The following IL17RB variants were observed in gnomAD, a reference collection of about 807,000 sequenced individuals.
IL17RB encodes the protein interleukin-17 receptor B.
In IL17RB, 36 loss-of-function variants were observed where a neutral mutation model predicts 43.9. That is an observed-to-expected ratio of 0.82 (90% CI 0.63 to 1.08). The LOEUF is 1.08. Among genes scored for constraint, IL17RB ranks in the 50% least tolerant of loss-of-function variants. The probability of loss-of-function intolerance (pLI) is 0.00; values close to 1 mark genes in which losing one functional copy is unlikely to be tolerated. For synonymous variants in IL17RB, 225 were observed against 225.4 expected (o/e 1.00, Z 0.02); for missense variants, 613 against 613.6 (o/e 1.00, Z 0.01).
Position 53,864,787 on chromosome 3 carries a change from C to G in IL17RB, c.988C>G (p.Pro330Ala), listed in dbSNP as rs763951825. The G allele has an allele frequency of 6.8e-6, 11 of 1,613,230 alleles. No homozygotes were observed. Among genetic ancestry groups the G allele is most frequent in the Non-Finnish European group, 9.3e-6 (11 of 1,179,652 alleles). The change falls in exon 11 of 11, where the codon CCC becomes GCC. Residue 330 changes from proline to alanine, a missense_variant. Coordinates refer to ENST00000288167, the MANE Select transcript of IL17RB (RefSeq NM_018725.4). ...KTSFSTTTLLPPIKVLVVYPS... is the reference protein window; with the variant it reads ...KTSFSTTTLLAPIKVLVVYPS... ...TTCCTTTTCTACCACCACACTACTG[C>G]CCCCCATTAAGGTTCTTGTGGTTTA...
chr3:53,857,527 T>A, intron 7 of IL17RB, 89 bp from the exon 8 acceptor site: 1 of 1,143,288 alleles, frequency 8.7e-7, no homozygotes, highest in Non-Finnish European at 1.3e-6. Context: ...TCAAGCCATC[T>A]GCCTGCCTTG....
chr3:53,855,467 A>T, intron 6 of IL17RB, 126 bp downstream of exon 6: 1 of 627,004 alleles, frequency 1.6e-6, no homozygotes, highest in Non-Finnish European at 2.8e-6. Context: ...AGCACCCCCG[A>T]TGGTGGTGGC....
chr3:53,850,921 C>T (rs1466403662), intron 3 of IL17RB, among the ~76,000 whole-genome samples: 2 of 152,202 alleles, frequency 1.3e-5, no homozygotes, highest in Non-Finnish European at 2.9e-5. Context: ...ATACTGGTTG[C>T]ATGAGTGTCC....
chr3:53,864,725 A>G, intron 10 of IL17RB, 21 bp from the exon 11 acceptor site: 1 of 1,555,806 alleles, frequency 6.4e-7, no homozygotes, highest in Non-Finnish European at 8.7e-7. Context: ...ACAGATAACA[A>G]ATGCTTTTCT....
intron 8 of IL17RB, 51 bp downstream of exon 8, chr3:53,857,741 C>G (rs1325239533): frequency 6.8e-7 from 1 of 1,464,842 alleles, no homozygotes; most frequent in Admixed American, 1.7e-5. Flanking sequence ...GAAGACTGTT[C>G]CATCATTCAT....
chr3:53,865,393 T>C lies in IL17RB; in HGVS notation c.*85T>C, dbSNP rs1339822704. ...AACGTGTGATGATCCTGAAGCTTAC[T>C]ATGCAGCCTACAAACAGCCTTAGTA... is the stretch of plus-strand genomic sequence containing the variant. On this transcript the variant is annotated 3_prime_UTR_variant, in exon 11 of 11. Coordinates refer to ENST00000288167, the MANE Select transcript of IL17RB (RefSeq NM_018725.4). 1 of 1,054,544 alleles carries C rather than the reference T, an allele frequency of 9.5e-7. No homozygotes were observed. The highest frequency in any genetic ancestry group is 2.5e-5 in the East Asian group (1 of 39,844). The allele number at this position is 1,054,544 out of a possible 1,614,324, so 65.3% of individuals were successfully genotyped here.
chr3:53,851,258 G>A (rs1027921907), intron 3 of IL17RB, among the ~76,000 whole-genome samples: 7 of 152,142 alleles, frequency 4.6e-5, no homozygotes, highest in African/African-American at 1.2e-4. Context: ...ACAGAGAGAG[G>A]AGTCACCTAC....
rs558003684 is a variant in IL17RB, at chr3:53,853,060, C to G, written c.481+63C>G. On this transcript the variant is annotated intron_variant, in intron 5 of 10. Transcript: ENST00000288167. ...TGGGATGCCTGCTTTGCGATATGCA[C>G]AGAGAGAGCCCAGGGAACCCTGGAT... The G allele has an allele frequency of 6.3e-6, 10 of 1,596,928 alleles. No homozygotes were observed. In the African/African-American group the frequency reaches 1.1e-4, roughly 17 times the overall value.
Position 53,849,797 on chromosome 3 carries a change from T to A in IL17RB, c.226+2T>A. On this transcript the variant is annotated splice_donor_variant, in intron 3 of 10. Coordinates refer to ENST00000288167, the MANE Select transcript of IL17RB (RefSeq NM_018725.4). LOFTEE classifies it high-confidence loss of function. Reference sequence around the variant, plus strand: ...TAAGCTGGGTACTCCGGGCAGATGGTAAGTTTGCATCCATCAGAGATAAGG... The same window carrying A: ...TAAGCTGGGTACTCCGGGCAGATGGAAAGTTTGCATCCATCAGAGATAAGG... The A allele has an allele frequency of 6.3e-7, 1 of 1,596,870 alleles. No individual in the cohort carries two copies. The highest frequency in any genetic ancestry group is 8.6e-7 in the Non-Finnish European group (1 of 1,168,308).
Position 53,860,161 on chromosome 3 carries a change from C to T in IL17RB, c.879C>T (p.Leu293=), listed in dbSNP as rs1234817597. Residue 293 remains leucine (L), a synonymous_variant, in exon 10 of 11, where the codon CTC becomes CTT. Transcript: ENST00000288167. ...NKSKPGGWLP[L]LLLSLLVATW... Reference sequence around the variant, plus strand: ...GCAAGCCGGGAGGCTGGCTGCCTCTCCTCCTGCTGTCTCTGCTGGTGGCCA... The same window carrying T: ...GCAAGCCGGGAGGCTGGCTGCCTCTTCTCCTGCTGTCTCTGCTGGTGGCCA... 3 of 1,614,080 alleles carry T rather than the reference C, an allele frequency of 1.9e-6. No homozygotes were observed. Among genetic ancestry groups the T allele is most frequent in the Admixed American group, 3.3e-5 (2 of 60,030 alleles).
In IL17RB at chr3:53,865,533, TAC is replaced by T; in HGVS notation, c.*227_*228del. On this transcript the variant is annotated 3_prime_UTR_variant, in exon 11 of 11. Coordinates refer to ENST00000288167, the MANE Select transcript of IL17RB (RefSeq NM_018725.4). ...AGCTGTTTTATACATAGAAATCAAT[TAC>T]AGTTTTAATTGAAAACTATAACCAT... 2.0e-6 allele frequency: 1 copy of T among 501,358 alleles called. No homozygotes were observed. The highest frequency in any genetic ancestry group is 3.4e-5 in the South Asian group (1 of 29,508). 31.1% of individuals were successfully genotyped at this position (501,358 alleles called of 1,614,324 possible).
rs1699430665 is a variant in IL17RB at position 53,858,451 on chromosome 3, G to T, written c.748-268G>T. The T allele has an allele frequency of 3.1e-6, 4 of 1,275,084 alleles. No individual in the cohort carries two copies. The South Asian group carries it at 7.6e-5, about 24-fold the overall frequency. The allele number at this position is 1,275,084 out of a possible 1,614,324, so 79.0% of individuals were successfully genotyped here. A position where few individuals can be genotyped will look rare whatever the true frequency, so the allele number is the denominator to read the frequency against. ...TGTCTACGTGGTAAGATATGACCTAGCCCTTTTAGGTAAGCGAACTGGTAT... is the reference window on the plus strand; with the variant it reads ...TGTCTACGTGGTAAGATATGACCTATCCCTTTTAGGTAAGCGAACTGGTAT... On this transcript the variant is annotated intron_variant, in intron 8 of 10. Coordinates refer to ENST00000288167, the MANE Select transcript of IL17RB (RefSeq NM_018725.4).
At position 53,864,842 on chromosome 3, in the gene IL17RB, T is replaced by G; in HGVS notation, c.1043T>G (p.Ile348Ser). The change falls in exon 11 of 11, where the codon ATT becomes AGT. Residue 348 changes from isoleucine to serine, a missense_variant. By Grantham distance (142) the Ile-to-Ser change is moderately radical (BLOSUM62 -2). Transcript: ENST00000288167. ...TCTGAAATATGTTTCCATCACACAA[T>G]TTGTTACTTCACTGAATTTCTTCAA... The part of the protein sequence containing the change: ...YPSEICFHHT[I>S]CYFTEFLQNH... The G allele has an allele frequency of 6.2e-7, 1 of 1,614,146 alleles. No individual in the cohort carries two copies. Among genetic ancestry groups the G allele is most frequent in the Non-Finnish European group, 8.5e-7 (1 of 1,179,964 alleles).
Position 53,860,253 on chromosome 3 carries a change from C to T in IL17RB, c.946+25C>T, listed in dbSNP as rs1410445654. 5 of 1,549,722 alleles carry T rather than the reference C, an allele frequency of 3.2e-6. No homozygotes were observed. The African/African-American group carries it at 5.5e-5, about 17-fold the overall frequency. On this transcript the variant is annotated intron_variant, in intron 10 of 10. Transcript: ENST00000288167. The stretch of plus-strand genomic sequence containing the variant: ...GGTAAGGGTTATAATTCTTTAAAGA[C>T]ATCCTAGTAAGGAAATAACATTTTG...
chr3:53,847,079 A>G (rs1698938552), intron 1 of IL17RB, among the ~76,000 whole-genome samples: 1 of 152,062 alleles, frequency 6.6e-6, no homozygotes, highest in Non-Finnish European at 1.5e-5. Flanking sequence ...CTTTTTGGCC[A>G]TATTGATTGC....
chr3:53,857,567 G>A (rs2232341), intron 7 of IL17RB, 49 bp from the exon 8 acceptor site: 1 of 1,544,352 alleles, frequency 6.5e-7, no homozygotes, highest in East Asian at 2.2e-5. Flanking sequence ...TTACAGGGGT[G>A]AGCCAGTGCA....
chr3:53,865,084 C>CT lies in IL17RB; in HGVS notation c.1289dup (p.Cys431LeufsTer3), dbSNP rs768551820. Reference sequence around the variant, plus strand: ...AGACCTCTTCCCCCTTGCCTTTAACCTTTTCTGCAGTGATCTAAGAAGCCA... The same window carrying CT: ...AGACCTCTTCCCCCTTGCCTTTAACCTTTTTCTGCAGTGATCTAAGAAGCCA... On this transcript the variant is annotated frameshift_variant, in exon 11 of 11. Transcript: ENST00000288167. LOFTEE classifies it low-confidence loss of function (END_TRUNC). 2 of 1,614,102 alleles carry CT rather than the reference C, an allele frequency of 1.2e-6. No individual in the cohort carries two copies. The highest frequency in any genetic ancestry group is 1.7e-6 in the Non-Finnish European group (2 of 1,179,948).
intron 10 of IL17RB, among the ~76,000 whole-genome samples, chr3:53,861,999 C>T (rs915235815): frequency 6.6e-6 from 1 of 152,140 alleles, no homozygotes; most frequent in African/African-American, 2.4e-5. Flanking sequence ...AACCCCCTGG[C>T]CTTGAAGGGA....
chr3:53,858,512 G>A (rs549428945), intron 8 of IL17RB: 126 of 1,410,460 alleles, frequency 8.9e-5, no homozygotes, highest in East Asian at 5.2e-5. Context: ...TTCAGACCCC[G>A]GGAGTCTTGG....
Sources: allele counts gnomAD v4.1 joint callset (sites outside exome capture counted in the v4.1 genomes callset), GRCh38; gene constraint gnomAD v4.1.1; transcripts MANE v1.5; gene names NCBI Gene and HGNC (gene_info 2026-07-23, HGNC 2026-07-21).